PKNOX2: variants seen among roughly 807,000 people sequenced by gnomAD.
The protein encoded by PKNOX2 is PBX/knotted 1 homeobox 2.
In PKNOX2, 14 loss-of-function variants were observed where a neutral mutation model predicts 53.1. The ratio of observed to expected loss-of-function variants is 0.26; its 90% confidence interval spans 0.17 to 0.41. PKNOX2 has a LOEUF of 0.41. Among genes scored for constraint, PKNOX2 ranks in the 10% least tolerant of loss-of-function variants. The pLI, the probability that PKNOX2 is intolerant of heterozygous loss-of-function variation, is 1.00. For synonymous variants in PKNOX2, 257 were observed against 242.8 expected (o/e 1.06, Z -0.54); for missense variants, 496 against 602.8 (o/e 0.82, Z 1.85).
chr11:125,181,479 G>GGAACA (rs58104497), intron 1 of PKNOX2, among the ~76,000 whole-genome samples: 62,863 of 151,788 alleles, frequency 0.41, 13,035 homozygotes, highest in East Asian at 0.47. Flanking sequence ...TAGGTAGAAG[G>GGAACA]GAACAGTGGT....
intron 3 of PKNOX2, among the ~76,000 whole-genome samples, chr11:125,349,837 T>TCA (rs60332384): frequency 0.17 from 22,845 of 137,858 alleles, 1,857 homozygotes; most frequent in Middle Eastern, 0.21. Flanking sequence ...ACCAAAAGAA[T>TCA]CACACACACA....
chr11:125,246,948 T>A (rs1214008291), intron 2 of PKNOX2, among the ~76,000 whole-genome samples: 1 of 152,202 alleles, frequency 6.6e-6, no homozygotes, highest in Admixed American at 6.5e-5. Context: ...CATGTGACAC[T>A]GCCAGGGGCT....
intron 1 of PKNOX2, among the ~76,000 whole-genome samples, chr11:125,177,649 C>A (rs1210734768): frequency 6.6e-6 from 1 of 152,202 alleles, no homozygotes; most frequent in Admixed American, 6.5e-5. Context: ...TCATGAGTTC[C>A]TTTCCCGTCA....
chr11:125,263,942 C>T (rs1591503537), intron 2 of PKNOX2, among the ~76,000 whole-genome samples: 1 of 152,280 alleles, frequency 6.6e-6, no homozygotes, highest in East Asian at 1.9e-4. Flanking sequence ...TCCTGGCTTC[C>T]TTCTCCGCAC....
intron 2 of PKNOX2, among the ~76,000 whole-genome samples, chr11:125,242,428 A>G (rs1013683151): frequency 2.0e-5 from 3 of 152,024 alleles, no homozygotes; most frequent in Non-Finnish European, 4.4e-5. Flanking sequence ...TCTCCCCACG[A>G]TGCCAGGGTT....
At chr11:125,287,689 A>G (rs1946998592) in intron 2 of PKNOX2, 1 of 152,290 alleles carries the variant, frequency 6.6e-6, no homozygotes, top group South Asian at 2.1e-4. Context: ...CTGAAGACTC[A>G]GTCTTCTGGG....
intron 2 of PKNOX2, among the ~76,000 whole-genome samples, chr11:125,260,654 C>T (rs1274345788): frequency 1.3e-5 from 2 of 152,162 alleles, no homozygotes; most frequent in Non-Finnish European, 2.9e-5. Flanking sequence ...TGACGTCTCC[C>T]TAGTAGCTGC....
At chr11:125,258,259 C>T (rs1305065161) in intron 2 of PKNOX2, among the ~76,000 whole-genome samples, 1 of 152,168 alleles carries the variant, frequency 6.6e-6, no homozygotes, top group Non-Finnish European at 1.5e-5. Flanking sequence ...CTTTTTCCCC[C>T]TCTTTCCCAT....
At chr11:125,317,403 C>G (rs1356677021) in intron 2 of PKNOX2, among the ~76,000 whole-genome samples, 1 of 152,190 alleles carries the variant, frequency 6.6e-6, no homozygotes. Context: ...AGAGGAATTG[C>G]TATCTATGGC....
intron 1 of PKNOX2, among the ~76,000 whole-genome samples, chr11:125,180,448 T>A (rs573032893): frequency 1.3e-5 from 2 of 152,318 alleles, no homozygotes; most frequent in African/African-American, 4.8e-5. Flanking sequence ...TCAAAGATGC[T>A]TTTTCCCTTA....
Position 125,241,758 on chromosome 11 carries a change from G to A in PKNOX2, c.-130+6643G>A, listed in dbSNP as rs540405651. 1.3e-3 allele frequency among the ~76,000 whole-genome samples: 193 copies of A among 152,322 alleles called. 1 individual carries two copies. The highest frequency in any genetic ancestry group is 3.7e-3 in the African/African-American group (154 of 41,566). On this transcript the variant is annotated intron_variant, in intron 2 of 12. Coordinates refer to ENST00000298282, the MANE Select transcript of PKNOX2 (RefSeq NM_001382323.2). ...TAATCCTAGTTACTCAGGAGGCTGAGGCAGGAGAATTGCTTGAACCCAGGA... is the reference window on the plus strand; with the variant it reads ...TAATCCTAGTTACTCAGGAGGCTGAAGCAGGAGAATTGCTTGAACCCAGGA...
chr11:125,411,461 T>TG (rs60330531), intron 9 of PKNOX2: 6 of 391,564 alleles, frequency 1.5e-5, no homozygotes, highest in African/African-American at 5.5e-5. Context: ...TTCCTCTGTC[T>TG]TTCTCTCTCT....
intron 2 of PKNOX2, among the ~76,000 whole-genome samples, chr11:125,319,542 A>G (rs1949398397): frequency 6.6e-6 from 1 of 152,248 alleles, no homozygotes; most frequent in African/African-American, 2.4e-5. Flanking sequence ...AAGTGCTACC[A>G]GGTGCTGGGG....
intron 1 of PKNOX2, among the ~76,000 whole-genome samples, chr11:125,183,045 C>T (rs2135285701): frequency 6.6e-6 from 1 of 152,276 alleles, no homozygotes; most frequent in South Asian, 2.1e-4. Context: ...CCTTGACGCC[C>T]AGGGAGGTGG....
intron 2 of PKNOX2, among the ~76,000 whole-genome samples, chr11:125,265,648 G>A (rs1289509672): frequency 6.6e-6 from 1 of 152,152 alleles, no homozygotes; most frequent in Non-Finnish European, 1.5e-5. Flanking sequence ...GGGCAGTGCG[G>A]GGCTGTCACC....
intron 2 of PKNOX2, among the ~76,000 whole-genome samples, chr11:125,257,008 T>G (rs1944454077): frequency 2.3e-5 from 2 of 85,170 alleles, no homozygotes; most frequent in Non-Finnish European, 3.4e-5. Context: ...CTGTGTAGGG[T>G]TTTTTTTTTT....
At chr11:125,223,508 G>A (rs998544607) in intron 1 of PKNOX2, among the ~76,000 whole-genome samples, 1 of 152,288 alleles carries the variant, frequency 6.6e-6, no homozygotes, top group Non-Finnish European at 1.5e-5. Context: ...GGGATTACAG[G>A]CATGAGCCAC....
chr11:125,301,922 T>A, intron 2 of PKNOX2, among the ~76,000 whole-genome samples: 1 of 152,230 alleles, frequency 6.6e-6, no homozygotes, highest in East Asian at 1.9e-4. Context: ...CAACATTTAC[T>A]AGGCACCTAC....
intron 1 of PKNOX2, among the ~76,000 whole-genome samples, chr11:125,202,993 T>C (rs1938625074): frequency 6.6e-6 from 1 of 152,174 alleles, no homozygotes; most frequent in Non-Finnish European, 1.5e-5. Flanking sequence ...GGTAAGTTTT[T>C]CCTTATGTGC....
Sources: allele counts gnomAD v4.1 joint callset (sites outside exome capture counted in the v4.1 genomes callset), GRCh38; gene constraint gnomAD v4.1.1; transcripts MANE v1.5; gene names NCBI Gene and HGNC (gene_info 2026-07-23, HGNC 2026-07-21).